TBCD: variants seen among roughly 807,000 people sequenced by gnomAD.
TBCD encodes tubulin-specific chaperone D.
A neutral mutation model predicts 169.3 loss-of-function variants in TBCD; 105 were observed. The observed-to-expected ratio is 0.62, with a 90% CI of 0.53 to 0.73. The LOEUF (loss-of-function observed/expected upper bound fraction) is 0.73, where lower values mean the gene tolerates loss of function less well. TBCD is among the 30% of genes least tolerant of loss of function. The pLI is 0.00. For missense variants in TBCD, 1,444 were observed against 1,600.1 expected (o/e 0.90, Z 1.66); for synonymous variants, 700 against 643.9 (o/e 1.09, Z -1.32).
intron 14 of TBCD, among the ~76,000 whole-genome samples, chr17:82,881,535 G>A (rs995181905): frequency 6.6e-6 from 1 of 152,180 alleles, no homozygotes; most frequent in Non-Finnish European, 1.5e-5. Context: ...CAGCCGATAC[G>A]GGCCTGCTGC....
intron 9 of TBCD, among the ~76,000 whole-genome samples, chr17:82,803,062 G>C (rs912693924): frequency 6.6e-6 from 1 of 152,106 alleles, no homozygotes; most frequent in African/African-American, 2.4e-5. Flanking sequence ...TTATCTCCTC[G>C]GTTGGATTTT....
intron 13 of TBCD, among the ~76,000 whole-genome samples, chr17:82,817,167 G>A (rs769728114): frequency 2.0e-5 from 3 of 152,084 alleles, no homozygotes; most frequent in African/African-American, 4.8e-5. Context: ...GTCTTGCTCC[G>A]TTGCCCAGGC....
intron 13 of TBCD, among the ~76,000 whole-genome samples, chr17:82,849,569 G>A (rs1218659326): frequency 6.6e-6 from 1 of 152,178 alleles, no homozygotes; most frequent in Admixed American, 6.5e-5. Context: ...AGCTCTGAAA[G>A]TAGGAAGTAA....
intron 13 of TBCD, among the ~76,000 whole-genome samples, chr17:82,846,667 C>G (rs566598020): frequency 6.6e-6 from 1 of 152,350 alleles, no homozygotes; most frequent in African/African-American, 2.4e-5. Flanking sequence ...CCAGCCAGGC[C>G]TGGACACCTC....
At chr17:82,779,143 C>T (rs973736624) in intron 6 of TBCD, among the ~76,000 whole-genome samples, 1 of 151,926 alleles carries the variant, frequency 6.6e-6, no homozygotes, top group South Asian at 2.1e-4. Context: ...TCCCGAGTAG[C>T]TGGGATTACA....
intron 17 of TBCD, among the ~76,000 whole-genome samples, chr17:82,894,665 A>T (rs527853446): frequency 6.6e-6 from 1 of 152,144 alleles, no homozygotes. Flanking sequence ...GTTCTTTCCT[A>T]TTAATACTTG....
rs2147055955 is a variant in TBCD, at chr17:82,916,362, A to G, written c.2039-4194A>G. Among the ~76,000 whole-genome samples, 2 of 152,074 alleles carry G rather than the reference A, an allele frequency of 1.3e-5. 1 individual carries two copies. Among genetic ancestry groups the G allele is most frequent in the Admixed American group, 1.3e-4 (2 of 15,278 alleles). Reference sequence around the variant, plus strand: ...CAGGTTCAAGTGTTTCTCCCGCCTCAGCCTCCCGAGTAGCTGGGATTACAG... The same window carrying G: ...CAGGTTCAAGTGTTTCTCCCGCCTCGGCCTCCCGAGTAGCTGGGATTACAG... On this transcript the variant is annotated intron_variant, in intron 23 of 38. Transcript: ENST00000355528.
intron 36 of TBCD, among the ~76,000 whole-genome samples, chr17:82,938,735 C>G (rs57050043): frequency 0.074 from 10,718 of 144,404 alleles, 738 homozygotes; most frequent in African/African-American, 0.18. Context: ...GGGCACCACT[C>G]AAAAAGAGAG....
rs1202570655 is a variant in TBCD, at chr17:82,930,085, G to A, written c.2992-437G>A. The A allele has an allele frequency of 3.9e-6, 1 of 254,046 alleles. No individual in the cohort carries two copies. 15.7% of individuals were successfully genotyped at this position (254,046 alleles called of 1,614,324 possible). A position where few individuals can be genotyped will look rare whatever the true frequency, so the allele number is the denominator to read the frequency against. ...CTCTGCGCCGTGTGGGCGCGTGCGG[G>A]GAGACCCGGGCCCCAGGACGTGAGG... On this transcript the variant is annotated intron_variant, in intron 32 of 38. Transcript: ENST00000355528. This position sits in a 1 kb window ranked among gnomAD's most constrained non-coding sequence, Gnocchi z 5.2.
chr17:82,786,923 G>A (rs1472309353), intron 7 of TBCD, among the ~76,000 whole-genome samples: 1 of 109,148 alleles, frequency 9.2e-6, no homozygotes, highest in Non-Finnish European at 1.7e-5. Flanking sequence ...TGCACAGCCT[G>A]CATTTGGAAT....
At position 82,835,169 on chromosome 17, in the gene TBCD, G is replaced by A. The variant is rs2053861799; in HGVS notation, c.1318+20235G>A. Reference sequence around the variant, plus strand: ...CATTCTTGAGTCTGTGAGGTTTTATGTGTAGACATCAGGGTGGCTAAAAGT... The same window carrying A: ...CATTCTTGAGTCTGTGAGGTTTTATATGTAGACATCAGGGTGGCTAAAAGT... On this transcript the variant is annotated intron_variant, in intron 13 of 38. Transcript: ENST00000355528. This position sits in a 1 kb window ranked among gnomAD's most constrained non-coding sequence, Gnocchi z 4.5. 6.6e-6 allele frequency among the ~76,000 whole-genome samples: 1 copy of A among 152,204 alleles called. No individual in the cohort carries two copies. The highest frequency in any genetic ancestry group is 1.5e-5 in the Non-Finnish European group (1 of 68,038).
rs117229109 is a variant in TBCD, at chr17:82,880,827, C to T, written c.1476-3318C>T. Among the ~76,000 whole-genome samples the T allele has an allele frequency of 8.6e-4, 131 of 152,292 alleles. 2 individuals carry two copies. In the East Asian group the frequency reaches 0.024, roughly 28 times the overall value. The stretch of plus-strand genomic sequence containing the variant: ...CGTACGTGAGGGACTTTGTTGTTGC[C>T]GTCTCCCCAGGGTGCAGAGCGTGGT... On this transcript the variant is annotated intron_variant, in intron 14 of 38. Transcript: ENST00000355528. This position sits in a 1 kb window ranked among gnomAD's most constrained non-coding sequence, Gnocchi z 5.0.
chr17:82,855,493 C>T (rs963071143), intron 13 of TBCD, among the ~76,000 whole-genome samples: 5 of 151,812 alleles, frequency 3.3e-5, no homozygotes, highest in Non-Finnish European at 5.9e-5. Flanking sequence ...GTCACGAACT[C>T]CTGGGCTCAC....
intron 13 of TBCD, among the ~76,000 whole-genome samples, chr17:82,844,981 T>G (rs1474737440): frequency 6.6e-6 from 1 of 151,796 alleles, no homozygotes; most frequent in Admixed American, 6.6e-5. Flanking sequence ...TGAGCAGAGT[T>G]ACACCAGAGG....
Position 82,929,282 on chromosome 17 carries a change from G to C in TBCD, c.2852+11G>C. 1 of 1,612,652 alleles carries C rather than the reference G, an allele frequency of 6.2e-7. No individual in the cohort carries two copies. The highest frequency in any genetic ancestry group is 2.2e-5 in the East Asian group (1 of 44,834). On this transcript the variant is annotated intron_variant, in intron 31 of 38. Coordinates refer to ENST00000355528, the MANE Select transcript of TBCD (RefSeq NM_005993.5). Reference sequence around the variant, plus strand: ...AAAGCTGTTTCCCAGGTACTGTCGGGGTGTAGGCCCCCCGTGCTGGCCCCG... The same window carrying C: ...AAAGCTGTTTCCCAGGTACTGTCGGCGTGTAGGCCCCCCGTGCTGGCCCCG...
chr17:82,852,409 G>A (rs965406665), intron 13 of TBCD, among the ~76,000 whole-genome samples: 2 of 152,176 alleles, frequency 1.3e-5, no homozygotes, highest in African/African-American at 4.8e-5. Flanking sequence ...GGCTCAAGCA[G>A]CACAAATGTA....
chr17:82,928,785 G>A (rs914844759), intron 30 of TBCD, among the ~76,000 whole-genome samples: 14 of 141,282 alleles, frequency 9.9e-5, no homozygotes, highest in South Asian at 7.3e-4. Context: ...TTCTCCACCC[G>A]CTCCTGTAAT....
chr17:82,777,345 TGA>T (rs1162444980), intron 6 of TBCD, among the ~76,000 whole-genome samples: 1 of 151,964 alleles, frequency 6.6e-6, no homozygotes, highest in Non-Finnish European at 1.5e-5. Flanking sequence ...TGTGTGGAGA[TGA>T]GAGAGTGTAG....
At chr17:82,885,259 G>T (rs1214533868) in intron 15 of TBCD, among the ~76,000 whole-genome samples, 2 of 152,176 alleles carry the variant, frequency 1.3e-5, no homozygotes, top group East Asian at 3.9e-4. Flanking sequence ...GCCCTGCAGT[G>T]TGTGGCCCCT....
Sources: allele counts gnomAD v4.1 joint callset (sites outside exome capture counted in the v4.1 genomes callset), GRCh38; gene constraint gnomAD v4.1.1; non-coding constraint Gnocchi (gnomAD v3.1); transcripts MANE v1.5; gene names NCBI Gene and HGNC (gene_info 2026-07-23, HGNC 2026-07-21).